Variants in MPPED2 observed in about 807,000 individuals in gnomAD.
MPPED2 encodes the protein metallophosphoesterase domain containing 2.
Under a neutral mutation model 33.0 loss-of-function variants are expected in MPPED2, and 5 were observed. The observed-to-expected ratio is 0.15, with a 90% CI of 0.08 to 0.32. MPPED2 has a LOEUF of 0.32. Ranked by LOEUF, MPPED2 falls within the 10% of genes least tolerant of loss-of-function variation. The pLI is 1.00. For missense variants in MPPED2, 275 were observed against 372.1 expected (o/e 0.74, Z 2.15); for synonymous variants, 136 against 141.9 (o/e 0.96, Z 0.29).
At chr11:30,532,322 T>C (rs533916751) in intron 3 of MPPED2, among the ~76,000 whole-genome samples, 1 of 152,334 alleles carries the variant, frequency 6.6e-6, no homozygotes, top group East Asian at 1.9e-4. Flanking sequence ...TCCATGGCCT[T>C]CAAGGTCTCT....
intron 1 of MPPED2, chr11:30,584,381 A>G (rs1317568312): frequency 8.0e-6 from 1 of 125,178 alleles, no homozygotes; most frequent in Non-Finnish European, 1.6e-5. Context: ...CACACACCAC[A>G]TACACTCGCC....
intron 4 of MPPED2, among the ~76,000 whole-genome samples, chr11:30,436,941 G>T (rs2133876518): frequency 6.6e-6 from 1 of 152,318 alleles, no homozygotes; most frequent in East Asian, 1.9e-4. Context: ...TAAAGAGTGT[G>T]ACATGATGGC....
chr11:30,458,911 G>GTTC (rs1950397185), intron 4 of MPPED2, among the ~76,000 whole-genome samples: 9 of 86,342 alleles, frequency 1.0e-4, no homozygotes, highest in African/African-American at 3.5e-4. Flanking sequence ...ATTTTGCACA[G>GTTC]TTCTTTTTTT....
chr11:30,582,643 C>T (rs1406559336), intron 1 of MPPED2, among the ~76,000 whole-genome samples: 1 of 152,152 alleles, frequency 6.6e-6, no homozygotes, highest in African/African-American at 2.4e-5. Flanking sequence ...TGACTTGTAG[C>T]AGTTAGCATG....
At chr11:30,447,236 C>T (rs1949852894) in intron 4 of MPPED2, among the ~76,000 whole-genome samples, 1 of 152,130 alleles carries the variant, frequency 6.6e-6, no homozygotes, top group Admixed American at 6.5e-5. Context: ...TGCTGCAAGC[C>T]ATGGAATTTC....
intron 4 of MPPED2, chr11:30,429,170 C>T (rs1948972897): frequency 6.6e-6 from 1 of 152,122 alleles, no homozygotes; most frequent in Admixed American, 6.5e-5. Context: ...GTCTCCTTAC[C>T]TGTGGAATGA....
At chr11:30,407,688 A>G (rs935606098), downstream of MPPED2, among the ~76,000 whole-genome samples, 1 of 152,110 alleles carries the variant, frequency 6.6e-6, no homozygotes, top group Non-Finnish European at 1.5e-5. Flanking sequence ...CCTGGGCAAC[A>G]TGGGGAAATC....
At chr11:30,553,243 T>C (rs547713245) in intron 2 of MPPED2, among the ~76,000 whole-genome samples, 6 of 152,320 alleles carry the variant, frequency 3.9e-5, no homozygotes, top group Admixed American at 6.5e-5. Flanking sequence ...ACGTTCATTA[T>C]ATTTTCTTTT....
At chr11:30,464,514 T>G (rs1401303762) in intron 4 of MPPED2, among the ~76,000 whole-genome samples, 1 of 152,208 alleles carries the variant, frequency 6.6e-6, no homozygotes, top group Non-Finnish European at 1.5e-5. Flanking sequence ...TTGTACTTGA[T>G]TTTAATAAGC....
chr11:30,516,547 T>C (rs922104272), intron 3 of MPPED2, among the ~76,000 whole-genome samples: 4 of 152,140 alleles, frequency 2.6e-5, no homozygotes, highest in Middle Eastern at 3.2e-3. Flanking sequence ...AAGCTGCCCA[T>C]TTTTCTTGCA....
chr11:30,499,856 T>C (rs1000685011), intron 3 of MPPED2, among the ~76,000 whole-genome samples: 2 of 152,156 alleles, frequency 1.3e-5, no homozygotes, highest in Non-Finnish European at 2.9e-5. Context: ...GTTTGTTTGT[T>C]TTTTGTTTTG....
At chr11:30,438,995 C>A (rs917914025) in intron 4 of MPPED2, among the ~76,000 whole-genome samples, 1 of 152,078 alleles carries the variant, frequency 6.6e-6, no homozygotes, top group African/African-American at 2.4e-5. Context: ...AAGACTCCAG[C>A]CAAGGAGAAA....
At chr11:30,580,047 A>T (rs1957094977) in intron 2 of MPPED2, among the ~76,000 whole-genome samples, 199 bp downstream of exon 2, 1 of 152,206 alleles carries the variant, frequency 6.6e-6, no homozygotes, top group Admixed American at 6.5e-5. Context: ...ATTGTGGTTG[A>T]AAGTGCTCTG....
intron 3 of MPPED2, among the ~76,000 whole-genome samples, chr11:30,497,226 T>A (rs1293945926): frequency 6.6e-6 from 1 of 152,200 alleles, no homozygotes; most frequent in Admixed American, 6.5e-5. Flanking sequence ...AATGGTGGTA[T>A]CTTGCACAAT....
chr11:30,548,493 T>C (rs1955544901), intron 2 of MPPED2, among the ~76,000 whole-genome samples: 2 of 152,220 alleles, frequency 1.3e-5, no homozygotes, highest in Non-Finnish European at 2.9e-5. Flanking sequence ...GCACTGGGAT[T>C]ACAGGTGTTA....
Position 30,504,473 on chromosome 11 carries a change from AG to A in MPPED2, c.311-8953del, listed in dbSNP as rs201878066. 3.1e-3 allele frequency among the ~76,000 whole-genome samples: 468 copies of A among 152,214 alleles called. 1 individual carries two copies. The highest frequency in any genetic ancestry group is 4.8e-3 in the Admixed American group (73 of 15,276). On this transcript the variant is annotated intron_variant, in intron 3 of 6. Transcript: ENST00000358117. ...GCCTGAGTCCAGCCTGGAGGTGGGG[AG>A]GGGGTTCTATAAGCTATGAGGAGGC... is the stretch of plus-strand genomic sequence containing the variant.
chr11:30,421,851 G>A (rs762120665), intron 4 of MPPED2, among the ~76,000 whole-genome samples: 8 of 152,176 alleles, frequency 5.3e-5, no homozygotes, highest in African/African-American at 9.7e-5. Flanking sequence ...TTGTGCAACC[G>A]AGGTGGCCTT....
At chr11:30,409,465 C>A (rs1465268549), downstream of MPPED2, among the ~76,000 whole-genome samples, 1 of 152,214 alleles carries the variant, frequency 6.6e-6, no homozygotes, top group Non-Finnish European at 1.5e-5. Context: ...TGGTGACATC[C>A]AAGATACTTA....
At chr11:30,482,102 T>G (rs1417913788) in intron 4 of MPPED2, among the ~76,000 whole-genome samples, 1 of 152,066 alleles carries the variant, frequency 6.6e-6, no homozygotes, top group Non-Finnish European at 1.5e-5. Context: ...TCTTCCTGAC[T>G]GTAAAAATAA....
Sources: allele counts gnomAD v4.1 joint callset (sites outside exome capture counted in the v4.1 genomes callset), GRCh38; gene constraint gnomAD v4.1.1; transcripts MANE v1.5; gene names NCBI Gene and HGNC (gene_info 2026-07-23, HGNC 2026-07-21).